EPHB2: variants seen among roughly 807,000 people sequenced by gnomAD.
The protein encoded by EPHB2 is EPH receptor B2, also known as ephrin type-B receptor 2.
A neutral mutation model predicts 96.4 loss-of-function variants in EPHB2; 18 were observed. The observed-to-expected ratio is 0.19, with a 90% CI of 0.13 to 0.28. The LOEUF is 0.28. Among genes scored for constraint, EPHB2 ranks in the 10% least tolerant of loss-of-function variants. EPHB2 has a pLI of 1.00. For synonymous variants in EPHB2, 506 were observed against 534.1 expected (o/e 0.95, Z 0.72); for missense variants, 989 against 1,355.4 (o/e 0.73, Z 4.25).
intron 9 of EPHB2, among the ~76,000 whole-genome samples, chr1:22,902,688 T>C (rs1370709138): frequency 6.6e-6 from 1 of 152,234 alleles, no homozygotes; most frequent in Non-Finnish European, 1.5e-5. Context: ...AGCCTCGGTC[T>C]TCCTGGGGAA....
intron 1 of EPHB2, among the ~76,000 whole-genome samples, chr1:22,711,398 G>A (rs1005496038): frequency 4.0e-5 from 6 of 149,564 alleles, no homozygotes; most frequent in African/African-American, 9.7e-5. Context: ...GCACAGGGTG[G>A]AGGGGCGCGG....
chr1:22,799,913 G>C (rs1465031418), intron 3 of EPHB2, among the ~76,000 whole-genome samples: 2 of 152,236 alleles, frequency 1.3e-5, no homozygotes, highest in Non-Finnish European at 2.9e-5. Context: ...TAGGAAACCA[G>C]CCTCAAGTTC....
chr1:22,871,449 T>C (rs573058188), intron 5 of EPHB2, among the ~76,000 whole-genome samples: 1 of 152,148 alleles, frequency 6.6e-6, no homozygotes, highest in Admixed American at 6.6e-5. Flanking sequence ...TCAGCCCCCA[T>C]CCCACATGGC....
Position 22,913,826 on chromosome 1 carries a change from G to A in EPHB2, c.*256G>A, listed in dbSNP as rs1640193063. 3 of 1,610,536 alleles carry A rather than the reference G, an allele frequency of 1.9e-6. No homozygotes were observed. Among genetic ancestry groups the A allele is most frequent in the African/African-American group, 1.3e-5 (1 of 74,764 alleles). ...GGAAATACAAGGAATATTTTTTAAA[G>A]AGGATTCTCATAAGGAAAGCAATGA... is the stretch of plus-strand genomic sequence containing the variant. On this transcript the variant is annotated 3_prime_UTR_variant, in exon 16 of 16. Transcript: ENST00000374630. The surrounding 1 kb of genome is among the most constrained non-coding windows in gnomAD (Gnocchi z 4.1).
rs199835698 is a variant in EPHB2 at position 22,829,325 on chromosome 1, G to A, written c.812-33712G>A. Among the ~76,000 whole-genome samples, 14 of 152,338 alleles carry A rather than the reference G, an allele frequency of 9.2e-5. No homozygotes were observed. The East Asian group carries it at 2.3e-3, about 25-fold the overall frequency. Reference sequence around the variant, plus strand: ...CACACCCAGCCGGGAGAGGCTCCCGGTCAGCGTCTCTCCTTTTGTTAATGT... The same window carrying A: ...CACACCCAGCCGGGAGAGGCTCCCGATCAGCGTCTCTCCTTTTGTTAATGT... On this transcript the variant is annotated intron_variant, in intron 3 of 15. Transcript: ENST00000374630.
intron 1 of EPHB2, 61 bp from the exon 2 acceptor site, chr1:22,781,360 C>A: frequency 9.6e-6 from 14 of 1,451,206 alleles, no homozygotes; most frequent in Non-Finnish European, 1.2e-5. Flanking sequence ...GAGGGCCCAA[C>A]AGAAAGATTG....
chr1:22,881,465 G>T (rs545261830), intron 5 of EPHB2, among the ~76,000 whole-genome samples: 10 of 152,294 alleles, frequency 6.6e-5, no homozygotes, highest in Non-Finnish European at 4.4e-5. Flanking sequence ...GCTGAGGTGG[G>T]AGGGTCACTT....
chr1:22,800,461 C>G (rs1019722106), intron 3 of EPHB2, among the ~76,000 whole-genome samples: 18 of 152,246 alleles, frequency 1.2e-4, no homozygotes, highest in African/African-American at 4.3e-4. Context: ...TGGATCAAAG[C>G]ACACACCTAA....
At chr1:22,831,834 C>T (rs540448069) in intron 3 of EPHB2, among the ~76,000 whole-genome samples, 1 of 152,224 alleles carries the variant, frequency 6.6e-6, no homozygotes, top group South Asian at 2.1e-4. Context: ...CTGTGTTAGG[C>T]TGGGCTGGAA....
In EPHB2 at chr1:22,865,115, C is replaced by A. The variant is rs746363973; in HGVS notation, c.1206C>A (p.Thr402=). ...ACATCAGTGACCTGCTGGCCCACAC[C>A]CAGTACACCTTCGAGATCCAGGCTG... The part of the protein sequence containing the change: ...RIYISDLLAH[T]QYTFEIQAVN... The change falls in exon 5 of 16, where the codon ACC becomes ACA. Residue 402 remains threonine (T), a synonymous_variant. Transcript: ENST00000374630. 2.5e-6 allele frequency: 4 copies of A among 1,614,128 alleles called. No individual in the cohort carries two copies. Among genetic ancestry groups the A allele is most frequent in the Non-Finnish European group, 2.5e-6 (3 of 1,180,054 alleles).
intron 3 of EPHB2, among the ~76,000 whole-genome samples, chr1:22,812,696 G>T (rs930417913): frequency 1.3e-5 from 2 of 152,188 alleles, no homozygotes; most frequent in Non-Finnish European, 2.9e-5. Flanking sequence ...CTGTAAAATG[G>T]GCATAGTAAC....
At chr1:22,711,366 C>G (rs1231673458) in intron 1 of EPHB2, among the ~76,000 whole-genome samples, 1 of 148,582 alleles carries the variant, frequency 6.7e-6, no homozygotes, top group Non-Finnish European at 1.5e-5. Flanking sequence ...GCAGCCGCCT[C>G]GCGCCGGCCT....
At chr1:22,742,472 A>ACTTCCTTC (rs769267941) in intron 1 of EPHB2, among the ~76,000 whole-genome samples, 3 of 151,812 alleles carry the variant, frequency 2.0e-5, no homozygotes, top group East Asian at 3.9e-4. Context: ...TTCCAGCCAG[A>ACTTCCTTC]CTTCCTTCCT....
Position 22,906,670 on chromosome 1 carries a change from G to C in EPHB2, c.1889-40G>C. The C allele has an allele frequency of 1.2e-6, 2 of 1,613,550 alleles. No individual in the cohort carries two copies. Among genetic ancestry groups the C allele is most frequent in the African/African-American group, 1.3e-5 (1 of 75,048 alleles). On this transcript the variant is annotated intron_variant, in intron 10 of 15. Coordinates refer to ENST00000374630, the MANE Select transcript of EPHB2 (RefSeq NM_017449.5). This position sits in a 1 kb window ranked among gnomAD's most constrained non-coding sequence, Gnocchi z 4.8. ...GAACAGGAAGGTGGCCCTTCCACCT[G>C]GCAAGTGACATCCTGTCTGTCTTGG...
chr1:22,837,041 C>T (rs1023046261), intron 3 of EPHB2, among the ~76,000 whole-genome samples: 9 of 152,282 alleles, frequency 5.9e-5, no homozygotes, highest in East Asian at 1.9e-4. Flanking sequence ...AGGCCCTACA[C>T]GGCGGGGGAG....
chr1:22,767,877 G>A (rs1644328838), intron 1 of EPHB2, among the ~76,000 whole-genome samples: 1 of 152,224 alleles, frequency 6.6e-6, no homozygotes, highest in Non-Finnish European at 1.5e-5. Flanking sequence ...AAGACATGGA[G>A]TCTCTGGTGA....
intron 3 of EPHB2, among the ~76,000 whole-genome samples, chr1:22,841,944 G>T (rs1645475407): frequency 6.6e-6 from 1 of 152,144 alleles, no homozygotes; most frequent in Non-Finnish European, 1.5e-5. Flanking sequence ...GAGAGAATGG[G>T]GCAGGGCTGG....
chr1:22,850,932 GA>G (rs1190959016), intron 3 of EPHB2, among the ~76,000 whole-genome samples: 1 of 152,214 alleles, frequency 6.6e-6, no homozygotes, highest in Admixed American at 6.5e-5. Context: ...GGGTGGAGGG[GA>G]GTTCAGAGAG....
intron 3 of EPHB2, among the ~76,000 whole-genome samples, chr1:22,847,329 G>A (rs1156930620): frequency 2.6e-5 from 4 of 152,350 alleles, no homozygotes; most frequent in Non-Finnish European, 5.9e-5. Flanking sequence ...TGCAGAGCCT[G>A]TGCCCCTAAC....
Sources: gnomAD v4.1 joint callset for allele counts (sites outside exome capture counted in the v4.1 genomes callset) on GRCh38, gnomAD v4.1.1 for gene constraint, Gnocchi (gnomAD v3.1) non-coding constraint, MANE v1.5 for transcripts, NCBI Gene and HGNC (gene_info 2026-07-23, HGNC 2026-07-21) for gene names.